The following SLC24A1 variants were observed in gnomAD, a reference collection of about 807,000 sequenced individuals.
The protein encoded by SLC24A1 is solute carrier family 24 member 1.
A neutral mutation model predicts 88.1 loss-of-function variants in SLC24A1; 52 were observed. The observed-to-expected ratio is 0.59, with a 90% CI of 0.47 to 0.74. SLC24A1 has a LOEUF of 0.74. Ranked by LOEUF, SLC24A1 falls within the 30% of genes least tolerant of loss-of-function variation. SLC24A1 has a pLI of 0.00. For synonymous variants in SLC24A1, 455 were observed against 498.0 expected (o/e 0.91, Z 1.15); for missense variants, 1,173 against 1,363.3 (o/e 0.86, Z 2.20).
At chr15:65,618,219 G>A (rs1261891578), upstream of SLC24A1, among the ~76,000 whole-genome samples, 2 of 152,136 alleles carry the variant, frequency 1.3e-5, no homozygotes, top group East Asian at 1.9e-4. Flanking sequence ...CTCTACGTAT[G>A]TATGTATATA....
exon 1 of SLC24A1, chr15:65,611,535 T>G: frequency 3.2e-6 from 1 of 313,948 alleles, no homozygotes; most frequent in Non-Finnish European, 6.1e-6. Context: ...CTGGGCCCCG[T>G]CGGTGCACGA....
chr15:65,656,001 C>G lies in SLC24A1; in HGVS notation c.*1922C>G. On this transcript the variant is annotated 3_prime_UTR_variant, in exon 10 of 10. Transcript: ENST00000261892. ...CCTTATTCCTGATGCTACTGCATTG[C>G]TGGGTTTCCATAGCCAAGGCCTAAG... 1 of 985,302 alleles carries G rather than the reference C, an allele frequency of 1.0e-6. No homozygotes were observed. Among genetic ancestry groups the G allele is most frequent in the Non-Finnish European group, 1.2e-6 (1 of 829,906 alleles). 61.0% of individuals were successfully genotyped at this position (985,302 alleles called of 1,614,324 possible).
In SLC24A1 at chr15:65,624,646, C is replaced by T; in HGVS notation, c.566C>T (p.Thr189Ile). 6.3e-7 allele frequency: 1 copy of T among 1,594,602 alleles called. No homozygotes were observed. Among genetic ancestry groups the T allele is most frequent in the Non-Finnish European group, 8.5e-7 (1 of 1,170,468 alleles). The change falls in exon 2 of 10, where the codon ACT becomes ATT. Residue 189 changes from threonine (T) to isoleucine (I), a missense_variant. By Grantham distance (89) the Thr-to-Ile change is moderately conservative. Coordinates refer to ENST00000261892, the MANE Select transcript of SLC24A1 (RefSeq NM_004727.3). Reference sequence around the variant, plus strand: ...CAAGTGAGGGAAAAGGTGAAGTATACTCCTTCCCCACGTGGTAGAAGAGTA... The same window carrying T: ...CAAGTGAGGGAAAAGGTGAAGTATATTCCTTCCCCACGTGGTAGAAGAGTA... ...PTQVREKVKY[T>I]PSPRGRRVGT... is the part of the protein sequence containing the mutation.
intron 2 of SLC24A1, among the ~76,000 whole-genome samples, chr15:65,635,817 C>A (rs763389003): frequency 6.6e-6 from 1 of 152,212 alleles, no homozygotes; most frequent in Non-Finnish European, 1.5e-5. Context: ...TTTCAGGAAC[C>A]ACATTCTTCT....
chr15:65,635,446 C>CAAAAAAA (rs56960432), intron 2 of SLC24A1, among the ~76,000 whole-genome samples: 9 of 58,346 alleles, frequency 1.5e-4, no homozygotes, highest in East Asian at 6.1e-4. Flanking sequence ...ACTCCGTCTC[C>CAAAAAAA]AAAAAAAAAA....
At chr15:65,621,935 T>G (rs758200154), upstream of SLC24A1, 5 of 152,274 alleles carry the variant, frequency 3.3e-5, no homozygotes, top group African/African-American at 4.8e-5. Flanking sequence ...TGAGCTGCCC[T>G]TCACACCCGA....
At chr15:65,644,177 AG>A in intron 4 of SLC24A1, 1 of 478,280 alleles carries the variant, frequency 2.1e-6, no homozygotes, top group Non-Finnish European at 3.8e-6. Context: ...GGCCTTGAGA[AG>A]GGAAATGACT....
intron 2 of SLC24A1, among the ~76,000 whole-genome samples, chr15:65,634,825 AAAAG>A (rs2074860982): frequency 6.6e-6 from 1 of 152,078 alleles, no homozygotes; most frequent in African/African-American, 2.4e-5. Context: ...AAAAAAGAAA[AAAAG>A]AGAAGAAGAC....
At chr15:65,660,405 G>A (rs937019178), downstream of SLC24A1, 10 of 1,044,580 alleles carry the variant, frequency 9.6e-6, no homozygotes, top group Admixed American at 2.1e-5. Flanking sequence ...TCCAAGTGTC[G>A]TGGACTCTAC....
At chr15:65,634,740 C>CAAAAAAAAAAAAAAAAAAAAAAAAA (rs5813364) in intron 2 of SLC24A1, among the ~76,000 whole-genome samples, 2 of 90,536 alleles carry the variant, frequency 2.2e-5, no homozygotes, top group Non-Finnish European at 4.5e-5. Flanking sequence ...TCAAAAGCAC[C>CAAAAAAAAAAAAAAAAAAAAAAAAA]AAAAAAAAAA....
chr15:65,618,252 A>G (rs1214123126), upstream of SLC24A1, among the ~76,000 whole-genome samples: 1 of 152,180 alleles, frequency 6.6e-6, no homozygotes, highest in East Asian at 1.9e-4. Flanking sequence ...TACATATTAT[A>G]TAGACTATAT....
chr15:65,647,073 C>G (rs1326551573), intron 6 of SLC24A1, among the ~76,000 whole-genome samples: 1 of 152,202 alleles, frequency 6.6e-6, no homozygotes, highest in South Asian at 2.1e-4. Flanking sequence ...TCATGGGCCT[C>G]TCTTGGCAGG....
chr15:65,658,357 G>C (rs917492757), downstream of SLC24A1: 5 of 152,192 alleles, frequency 3.3e-5, no homozygotes, highest in Non-Finnish European at 1.5e-5. Context: ...TTAGCACGAA[G>C]GACAAGGGTC....
downstream of SLC24A1, chr15:65,658,062 T>A (rs1300224578): frequency 2.6e-5 from 4 of 152,182 alleles, no homozygotes; most frequent in Non-Finnish European, 5.9e-5. Context: ...AAGGCAGCAA[T>A]AACTTTATCA....
At chr15:65,656,560 C>T (rs945010162), downstream of SLC24A1, among the ~76,000 whole-genome samples, 4 of 152,134 alleles carry the variant, frequency 2.6e-5, no homozygotes, top group African/African-American at 9.7e-5. Context: ...TTAAAAATGT[C>T]GAGATAATAT....
At chr15:65,623,495 C>G (rs1308604269) in intron 1 of SLC24A1, among the ~76,000 whole-genome samples, 1 of 152,188 alleles carries the variant, frequency 6.6e-6, no homozygotes, top group Admixed American at 6.5e-5. Context: ...CCTTAATGTC[C>G]CTGGCAATGC....
In SLC24A1 at chr15:65,655,297, C is replaced by A. The variant is rs1019894300; in HGVS notation, c.*1218C>A. 1 of 985,318 alleles carries A rather than the reference C, an allele frequency of 1.0e-6. No individual in the cohort carries two copies. The highest frequency in any genetic ancestry group is 1.2e-6 in the Non-Finnish European group (1 of 830,006). The allele number at this position is 985,318 out of a possible 1,614,324, so 61.0% of individuals were successfully genotyped here. A position where few individuals can be genotyped will look rare whatever the true frequency, so the allele number is the denominator to read the frequency against. On this transcript the variant is annotated 3_prime_UTR_variant, in exon 10 of 10. Transcript: ENST00000261892. ...GGACAATGCTATTTTTGTATGCCAA[C>A]CTAGATAGGATTATAAAGCAAGACT...
chr15:65,647,558 T>A (rs1308133671), intron 6 of SLC24A1, among the ~76,000 whole-genome samples: 1 of 151,648 alleles, frequency 6.6e-6, no homozygotes, highest in Admixed American at 6.6e-5. Flanking sequence ...AGAATCCAGC[T>A]TGCATCCAAC....
At chr15:65,630,024 G>A (rs553534276) in intron 2 of SLC24A1, among the ~76,000 whole-genome samples, 1 of 152,264 alleles carries the variant, frequency 6.6e-6, no homozygotes, top group East Asian at 1.9e-4. Flanking sequence ...GAGTGCAGTG[G>A]CTCAAGCACG....
Sources: gnomAD v4.1 joint callset for allele counts (sites outside exome capture counted in the v4.1 genomes callset) on GRCh38, gnomAD v4.1.1 for gene constraint, MANE v1.5 for transcripts, NCBI Gene and HGNC (gene_info 2026-07-23, HGNC 2026-07-21) for gene names.